The following PRUNE2 variants were observed in gnomAD, a reference collection of about 807,000 sequenced individuals.
The protein encoded by PRUNE2 is protein prune homolog 2.
In PRUNE2, 164 loss-of-function variants were observed where a neutral mutation model predicts 252.0. The observed-to-expected ratio is 0.65, with a 90% CI of 0.57 to 0.74. PRUNE2 has a LOEUF of 0.74. PRUNE2 is among the 30% of genes least tolerant of loss of function. The pLI is 0.00. For missense variants in PRUNE2, 3,495 were observed against 3,711.0 expected (o/e 0.94, Z 1.51); for synonymous variants, 1,292 against 1,350.2 (o/e 0.96, Z 0.94).
At position 76,905,931 on chromosome 9, in the gene PRUNE2, T is replaced by C; in HGVS notation, c.33A>G (p.Lys11=). 6.2e-7 allele frequency: 1 copy of C among 1,614,098 alleles called. No homozygotes were observed. The highest frequency in any genetic ancestry group is 1.7e-4 in the Middle Eastern group (1 of 6,060). The part of the protein sequence containing the change: MEEFLQRAKS[K]LNRSKRLEKV... ...CAGCTTTGCTCACTCAACTTACCAG[T>C]TTAGATTTGGCGCGTTGCAAAAATT... The change falls in exon 1 of 19, where the codon AAA becomes AAG. Residue 11 remains lysine, a synonymous_variant. Transcript: ENST00000376718.
At chr9:76,876,783 A>C (rs2061499802) in intron 1 of PRUNE2, among the ~76,000 whole-genome samples, 1 of 152,220 alleles carries the variant, frequency 6.6e-6, no homozygotes, top group Admixed American at 6.5e-5. Flanking sequence ...CCCAAGAGGA[A>C]ATTTTATATA....
At chr9:76,760,111 C>A (rs17784809) in intron 6 of PRUNE2, 67,620 of 152,116 alleles carry the variant, frequency 0.44, 16,050 homozygotes, top group Admixed American at 0.55. Flanking sequence ...TGTCCATTGG[C>A]TCTAATCTGG....
At chr9:76,794,304 C>T (rs2055840153) in intron 6 of PRUNE2, among the ~76,000 whole-genome samples, 1 of 152,164 alleles carries the variant, frequency 6.6e-6, no homozygotes, top group African/African-American at 2.4e-5. Context: ...TATCTGGAGG[C>T]AGTAAGGTGG....
intron 9 of PRUNE2, among the ~76,000 whole-genome samples, chr9:76,678,274 C>T (rs1588512116): frequency 7.2e-6 from 1 of 138,596 alleles, no homozygotes; most frequent in Admixed American, 8.1e-5. Flanking sequence ...ATCGCCTGAA[C>T]CCGGGAGTGG....
At position 76,705,800 on chromosome 9, in the gene PRUNE2, T is replaced by C; in HGVS notation, c.6474A>G (p.Ala2158=). The C allele has an allele frequency of 1.2e-6, 2 of 1,613,888 alleles. No individual in the cohort carries two copies. Among genetic ancestry groups the C allele is most frequent in the Non-Finnish European group, 1.7e-6 (2 of 1,179,900 alleles). ...EPGREFVPSN[A]ELDSENATVL... The stretch of plus-strand genomic sequence containing the variant: ...CAGTTGCGTTTTCAGAATCGAGTTC[T>C]GCATTGGATGGGACAAACTCCCGTC... The change falls in exon 8 of 19, where the codon GCA becomes GCG. Residue 2158 remains alanine, a synonymous_variant. Transcript: ENST00000376718.
At chr9:76,744,883 T>C (rs1479629935) in intron 6 of PRUNE2, among the ~76,000 whole-genome samples, 2 of 152,212 alleles carry the variant, frequency 1.3e-5, no homozygotes, top group Non-Finnish European at 2.9e-5. Context: ...CACCACTCTA[T>C]GCCTCGATGA....
At chr9:76,781,820 T>A (rs915721714) in intron 6 of PRUNE2, among the ~76,000 whole-genome samples, 10 of 152,260 alleles carry the variant, frequency 6.6e-5, no homozygotes, top group Admixed American at 3.9e-4. Context: ...CCTTTCATCC[T>A]GCTGGACTCT....
chr9:76,871,105 G>C (rs1353102384), intron 1 of PRUNE2, among the ~76,000 whole-genome samples: 1 of 152,136 alleles, frequency 6.6e-6, no homozygotes, highest in African/African-American at 2.4e-5. Context: ...CTAGAATGAG[G>C]ATCACCAAAG....
chr9:76,683,938 A>C lies in PRUNE2; in HGVS notation c.8276+19399T>G, dbSNP rs560272838. 2.6e-5 allele frequency among the ~76,000 whole-genome samples: 4 copies of C among 150,976 alleles called. No individual in the cohort carries two copies. The Admixed American group carries it at 2.7e-4, about 10-fold the overall frequency. ...ATAAAATATATATAGTATACATTAT[A>C]TGTACATATTATATATATATACACA... On this transcript the variant is annotated intron_variant, in intron 9 of 18. Transcript: ENST00000376718.
intron 6 of PRUNE2, among the ~76,000 whole-genome samples, chr9:76,760,556 C>T (rs1012823477): frequency 2.0e-5 from 3 of 152,152 alleles, no homozygotes; most frequent in African/African-American, 7.2e-5. Context: ...GTTTACCCTG[C>T]ATTAGTCCAC....
At chr9:76,661,869 AAC>A (rs758388815) in intron 9 of PRUNE2, among the ~76,000 whole-genome samples, 6 of 151,636 alleles carry the variant, frequency 4.0e-5, no homozygotes, top group Admixed American at 2.6e-4. Context: ...AGTCAATAAA[AAC>A]ACAGTTTTTT....
intron 1 of PRUNE2, among the ~76,000 whole-genome samples, chr9:76,857,382 C>T (rs533066234): frequency 6.6e-6 from 1 of 152,034 alleles, no homozygotes; most frequent in South Asian, 2.1e-4. Flanking sequence ...GAAATCATGC[C>T]ATAATCCAAA....
intron 18 of PRUNE2, among the ~76,000 whole-genome samples, chr9:76,616,659 A>AT (rs1375004990): frequency 3.9e-5 from 6 of 152,170 alleles, no homozygotes. Context: ...AAAAGACTGG[A>AT]ACCTGTTTAC....
intron 1 of PRUNE2, among the ~76,000 whole-genome samples, chr9:76,885,918 G>A (rs952579094): frequency 1.2e-4 from 18 of 151,950 alleles, no homozygotes; most frequent in East Asian, 3.9e-4. Context: ...GGCGGTTTAC[G>A]CCTATAATCC....
rs1182228208 is a variant in PRUNE2 at position 76,731,280 on chromosome 9, CTCTATCTATCTA to C, written c.757-17571_757-17560del. Among the ~76,000 whole-genome samples the C allele has an allele frequency of 3.8e-3, 333 of 86,774 alleles. 17 individuals carry two copies. Among genetic ancestry groups the C allele is most frequent in the Non-Finnish European group, 5.4e-3 (237 of 44,278 alleles). 56.9% of individuals were successfully genotyped at this position (86,774 alleles called of 152,430 possible). A position where few individuals can be genotyped will look rare whatever the true frequency, so the allele number is the denominator to read the frequency against. ...CACACTATAAACATATATTCCCTCT[CTCTATCTATCTA>C]TCTATCTATCTATCTATCTATATAT... is the stretch of plus-strand genomic sequence containing the variant. On this transcript the variant is annotated intron_variant, in intron 6 of 18. Transcript: ENST00000376718.
chr9:76,744,824 C>T (rs190776277), intron 6 of PRUNE2, among the ~76,000 whole-genome samples: 6 of 152,292 alleles, frequency 3.9e-5, no homozygotes, highest in Admixed American at 1.3e-4. Flanking sequence ...GACTCCATAC[C>T]AGTCTATGTG....
Position 76,704,034 on chromosome 9 carries a change from T to A in PRUNE2, c.7579A>T (p.Ile2527Leu). 6.2e-7 allele frequency: 1 copy of A among 1,613,562 alleles called. No homozygotes were observed. The highest frequency in any genetic ancestry group is 8.5e-7 in the Non-Finnish European group (1 of 1,179,768). ...KTIPTKEPEQ[I>L]KSEYKEERCT... ...CTTTCTTCCTTGTATTCTGATTTTA[T>A]CTGCTCAGGCTCTTTGGTAGGAATT... The change falls in exon 9 of 19, where the codon ATA (isoleucine) becomes TTA (leucine). Residue 2527 changes from isoleucine (I) to leucine (L), a missense_variant. Coordinates refer to ENST00000376718, the MANE Select transcript of PRUNE2 (RefSeq NM_015225.3).
At chr9:76,655,571 A>G in intron 9 of PRUNE2, 69 bp from the exon 10 acceptor site, 1 of 1,114,058 alleles carries the variant, frequency 9.0e-7, no homozygotes, top group Non-Finnish European at 1.4e-6. Flanking sequence ...TGAAAAGGAA[A>G]CCCACAGAGT....
At chr9:76,677,283 T>TA (rs545459711) in intron 9 of PRUNE2, among the ~76,000 whole-genome samples, 1 of 152,256 alleles carries the variant, frequency 6.6e-6, no homozygotes, top group Non-Finnish European at 1.5e-5. Context: ...ATTATTTGCT[T>TA]AAAAAAAATT....
Sources: gnomAD v4.1 joint callset for allele counts (sites outside exome capture counted in the v4.1 genomes callset) on GRCh38, gnomAD v4.1.1 for gene constraint, MANE v1.5 for transcripts, NCBI Gene and HGNC (gene_info 2026-07-23, HGNC 2026-07-21) for gene names.